The following GALNTL6 variants were observed in gnomAD, a reference collection of about 807,000 sequenced individuals.
The protein encoded by GALNTL6 is polypeptide N-acetylgalactosaminyltransferase like 6.
GALNTL6 carries 46 observed loss-of-function variants against 73.7 expected under a neutral mutation model. That is an observed-to-expected ratio of 0.62 (90% CI 0.49 to 0.80). The LOEUF (loss-of-function observed/expected upper bound fraction) is 0.80. GALNTL6 is among the 30% of genes least tolerant of loss of function. The probability of loss-of-function intolerance (pLI) is 0.00; values close to 1 mark genes in which losing one functional copy is unlikely to be tolerated. For missense variants in GALNTL6, 604 were observed against 755.0 expected, an observed-to-expected ratio of 0.80 and a Z score of 2.34; for synonymous variants, 259 against 263.7, an observed-to-expected ratio of 0.98 and a Z score of 0.17.
chr4:172,150,808 A>C (rs2110760480), intron 2 of GALNTL6, among the ~76,000 whole-genome samples: 1 of 152,330 alleles, frequency 6.6e-6, no homozygotes, highest in East Asian at 1.9e-4. Flanking sequence ...TACTCACCTA[A>C]TAATTTTAAA....
In GALNTL6 at chr4:172,778,975, ACTCT is replaced by A. The variant is rs796418429; in HGVS notation, c.554-30372_554-30369del. On this transcript the variant is annotated intron_variant, in intron 5 of 12. Transcript: ENST00000506823. ...TTCTTTTTTACTACCACCCCCCTTCACTCTCTCTCTCTCTCTCACACACACACTC... is the reference window on the plus strand; with the variant it reads ...TTCTTTTTTACTACCACCCCCCTTCACTCTCTCTCTCTCACACACACACTC... Among the ~76,000 whole-genome samples, 129 of 143,572 alleles carry A rather than the reference ACTCT, an allele frequency of 9.0e-4. 1 individual carries two copies. In the South Asian group the frequency reaches 0.017, roughly 19 times the overall value. The allele number at this position is 143,572 out of a possible 152,430, so 94.2% of individuals were successfully genotyped here.
chr4:172,895,752 G>T (rs1746291645), intron 8 of GALNTL6, among the ~76,000 whole-genome samples: 1 of 151,986 alleles, frequency 6.6e-6, no homozygotes. Flanking sequence ...CCAATAAACT[G>T]AATATTTGCC....
At chr4:172,339,263 A>G (rs1274143283) in intron 4 of GALNTL6, among the ~76,000 whole-genome samples, 1 of 49,194 alleles carries the variant, frequency 2.0e-5, no homozygotes, top group African/African-American at 8.2e-5. Context: ...CACACCACAC[A>G]CACACACACA....
chr4:172,255,874 A>C lies in GALNTL6; in HGVS notation c.247+26110A>C, dbSNP rs543504703. ...TAGCTATTAGGAAATCAGAGTAGGC[A>C]ATTAAAAAGAAGGAAGAGGGGAGAA... On this transcript the variant is annotated intron_variant, in intron 3 of 12. Coordinates refer to ENST00000506823, the MANE Select transcript of GALNTL6 (RefSeq NM_001034845.3). Among the ~76,000 whole-genome samples the C allele has an allele frequency of 4.6e-5, 7 of 151,614 alleles. No individual in the cohort carries two copies. The South Asian group carries it at 1.4e-3, about 31-fold the overall frequency.
At chr4:172,048,164 A>G (rs750571120) in intron 2 of GALNTL6, among the ~76,000 whole-genome samples, 18 of 152,176 alleles carry the variant, frequency 1.2e-4, no homozygotes, top group African/African-American at 4.1e-4. Context: ...TGAAGGGACT[A>G]GGTCATCAAC....
intron 2 of GALNTL6, among the ~76,000 whole-genome samples, chr4:171,892,864 A>G (rs1398297756): frequency 6.6e-6 from 1 of 152,182 alleles, no homozygotes; most frequent in Non-Finnish European, 1.5e-5. Flanking sequence ...GCTCAGCCAC[A>G]GAGAACATTT....
At chr4:171,955,828 TGTTAAATTCAACA>T (rs1428173475) in intron 2 of GALNTL6, among the ~76,000 whole-genome samples, 1 of 152,148 alleles carries the variant, frequency 6.6e-6, no homozygotes, top group African/African-American at 2.4e-5. Flanking sequence ...ACCATTAAAC[TGTTAAATTCAACA>T]TACTCTTAAC....
chr4:172,181,771 C>A (rs538706635), intron 2 of GALNTL6, among the ~76,000 whole-genome samples: 27 of 145,044 alleles, frequency 1.9e-4, no homozygotes, highest in African/African-American at 6.7e-4. Flanking sequence ...GGCTGGAGTG[C>A]AGTGGCGCGA....
chr4:172,745,782 T>A (rs1172786007), intron 5 of GALNTL6, among the ~76,000 whole-genome samples: 1 of 152,060 alleles, frequency 6.6e-6, no homozygotes, highest in Admixed American at 6.6e-5. Flanking sequence ...AGCATCCGGT[T>A]GAATAACCAT....
At chr4:172,975,779 C>A (rs2126418766) in intron 10 of GALNTL6, among the ~76,000 whole-genome samples, 1 of 152,252 alleles carries the variant, frequency 6.6e-6, no homozygotes, top group South Asian at 2.1e-4. Context: ...CCATCCGGAG[C>A]ACACACACAC....
intron 8 of GALNTL6, among the ~76,000 whole-genome samples, chr4:172,912,346 C>A (rs548599655): frequency 2.0e-5 from 3 of 152,266 alleles, no homozygotes; most frequent in South Asian, 2.1e-4. Context: ...ACTGAGGTAC[C>A]AGATTCATCT....
chr4:172,155,000 C>CT (rs1333036445), intron 2 of GALNTL6, among the ~76,000 whole-genome samples: 246 of 148,610 alleles, frequency 1.7e-3, no homozygotes, highest in African/African-American at 5.4e-3. Flanking sequence ...GAAATCGTAT[C>CT]CTTTTTTTTT....
At chr4:172,702,151 T>TA (rs1408330488) in intron 5 of GALNTL6, among the ~76,000 whole-genome samples, 1 of 152,106 alleles carries the variant, frequency 6.6e-6, no homozygotes, top group African/African-American at 2.4e-5. Flanking sequence ...AAGTTTGTCT[T>TA]AGCAATTCTT....
Position 172,206,805 on chromosome 4 carries a change from G to GTTTGTTTTTTTT in GALNTL6, c.139-22848_139-22847insGTTTTTTTTTTT, listed in dbSNP as rs1554003003. 6.2e-3 allele frequency among the ~76,000 whole-genome samples: 163 copies of GTTTGTTTTTTTT among 26,168 alleles called. 5 individuals carry two copies. Among genetic ancestry groups the GTTTGTTTTTTTT allele is most frequent in the Non-Finnish European group, 0.01 (119 of 11,864 alleles). The allele number at this position is 26,168 out of a possible 152,430, so 17.2% of individuals were successfully genotyped here. The stretch of plus-strand genomic sequence containing the variant: ...TTGTTTTGTTTTGTTTTGTTTTTCT[G>GTTTGTTTTTTTT]TTTTTTTTGTTTGTTTTTTTTTTTT... On this transcript the variant is annotated intron_variant, in intron 2 of 12. Coordinates refer to ENST00000506823, the MANE Select transcript of GALNTL6 (RefSeq NM_001034845.3).
chr4:172,890,971 G>A (rs1447575042), intron 8 of GALNTL6, among the ~76,000 whole-genome samples: 1 of 151,988 alleles, frequency 6.6e-6, no homozygotes, highest in East Asian at 1.9e-4. Flanking sequence ...TACTGTTTTT[G>A]GTTTAAAATC....
chr4:172,033,177 G>C (rs1348479086), intron 2 of GALNTL6, among the ~76,000 whole-genome samples: 4 of 151,912 alleles, frequency 2.6e-5, no homozygotes, highest in Non-Finnish European at 5.9e-5. Context: ...CACGGAGAGA[G>C]AGAGAGAGAG....
At chr4:172,256,842 A>G (rs1042017908) in intron 3 of GALNTL6, among the ~76,000 whole-genome samples, 2 of 151,234 alleles carry the variant, frequency 1.3e-5, no homozygotes, top group African/African-American at 4.8e-5. Flanking sequence ...ACTAGAACAT[A>G]CTCTCTGTGA....
intron 3 of GALNTL6, among the ~76,000 whole-genome samples, chr4:172,292,593 G>A (rs982090786): frequency 1.3e-5 from 2 of 152,054 alleles, no homozygotes; most frequent in African/African-American, 4.8e-5. Context: ...CATCATGGTT[G>A]TTTATTTCCT....
At chr4:172,130,650 G>A (rs1347304999) in intron 2 of GALNTL6, among the ~76,000 whole-genome samples, 1 of 151,986 alleles carries the variant, frequency 6.6e-6, no homozygotes, top group Non-Finnish European at 1.5e-5. Context: ...CAATATAGGT[G>A]TAAATTGTGC....
Sources: gnomAD v4.1 joint callset for allele counts (sites outside exome capture counted in the v4.1 genomes callset) on GRCh38, gnomAD v4.1.1 for gene constraint, MANE v1.5 for transcripts, NCBI Gene and HGNC (gene_info 2026-07-23, HGNC 2026-07-21) for gene names.